The following GARRE1 variants were observed in gnomAD, a reference collection of about 807,000 sequenced individuals.
The protein encoded by GARRE1 is granule associated Rac and RHOG effector 1.
In GARRE1, 49 loss-of-function variants were observed where a neutral mutation model predicts 103.2. That is an observed-to-expected ratio of 0.47 (90% CI 0.38 to 0.60). The LOEUF (loss-of-function observed/expected upper bound fraction) is 0.60, where lower values mean the gene tolerates loss of function less well. Ranked by LOEUF, GARRE1 falls within the 20% of genes least tolerant of loss-of-function variation. The probability of loss-of-function intolerance (pLI) is 0.00; values close to 1 mark genes in which losing one functional copy is unlikely to be tolerated. For missense variants in GARRE1, 1,199 were observed against 1,370.5 expected (o/e 0.87, Z 1.98); for synonymous variants, 505 against 532.8 (o/e 0.95, Z 0.72).
intron 2 of GARRE1, among the ~76,000 whole-genome samples, chr19:34,305,997 G>A (rs933423305): frequency 2.0e-5 from 3 of 152,124 alleles, no homozygotes; most frequent in South Asian, 2.1e-4. Context: ...GCATAGGCCC[G>A]CAGACTTCAC....
At position 34,324,081 on chromosome 19, in the gene GARRE1, G is replaced by T. The variant is rs181820853; in HGVS notation, c.706-3340G>T. ...CTCCTCCTGTCCAGGCTTGCCCCGT[G>T]CTGGCCTTGCCCCCATCCTCGAGGG... On this transcript the variant is annotated intron_variant, in intron 3 of 13. Transcript: ENST00000299505. Among the ~76,000 whole-genome samples, 190 of 152,150 alleles carry T rather than the reference G, an allele frequency of 1.2e-3. 1 individual carries two copies. The highest frequency in any genetic ancestry group is 3.4e-3 in the Middle Eastern group (1 of 294).
rs2073770117 is a variant in GARRE1 at position 34,269,014 on chromosome 19, A to AT, written c.-796+14407dup. ...TATTACTACTTAGCACATTTGACCT[A>AT]TTTTTTTAAAACCTCTGTTATTTTG... On this transcript the variant is annotated intron_variant, in intron 1 of 13. Coordinates refer to ENST00000299505, the MANE Select transcript of GARRE1 (RefSeq NM_014686.5). 3.3e-5 allele frequency among the ~76,000 whole-genome samples: 5 copies of AT among 152,186 alleles called. No homozygotes were observed. The South Asian group carries it at 6.2e-4, about 19-fold the overall frequency.
chr19:34,289,672 C>G (rs1044467512), intron 1 of GARRE1, among the ~76,000 whole-genome samples: 1 of 151,090 alleles, frequency 6.6e-6, no homozygotes, highest in East Asian at 2.0e-4. Flanking sequence ...TGCAGTGCGC[C>G]AAGATCATGC....
intron 10 of GARRE1, among the ~76,000 whole-genome samples, chr19:34,343,782 G>C (rs887158166): frequency 6.6e-5 from 10 of 152,162 alleles, no homozygotes; most frequent in Non-Finnish European, 1.5e-4. Context: ...AGGAGGTTGA[G>C]GCTGCAGTGA....
At chr19:34,308,154 G>A (rs1419647248) in intron 2 of GARRE1, among the ~76,000 whole-genome samples, 2 of 150,040 alleles carry the variant, frequency 1.3e-5, no homozygotes, top group Middle Eastern at 3.6e-3. Context: ...ATATTGTAGA[G>A]TAACAATAAT....
rs1237252813 is a variant in GARRE1, at chr19:34,263,215, AAAAT to A, written c.-796+8613_-796+8616del. Among the ~76,000 whole-genome samples the A allele has an allele frequency of 3.9e-5, 6 of 152,270 alleles. No individual in the cohort carries two copies. The South Asian group carries it at 6.2e-4, about 16-fold the overall frequency. On this transcript the variant is annotated intron_variant, in intron 1 of 13. Transcript: ENST00000299505. The stretch of plus-strand genomic sequence containing the variant: ...GTGACAGAGCAAGATTCCATCTCAA[AAAAT>A]AAATAAATAAAAATAAAATAAATAA...
chr19:34,327,794 C>CA lies in GARRE1; in HGVS notation c.870_871insA (p.Leu291IlefsTer5). On this transcript the variant is annotated frameshift_variant, in exon 5 of 14. Coordinates refer to ENST00000299505, the MANE Select transcript of GARRE1 (RefSeq NM_014686.5). LOFTEE classifies it high-confidence loss of function. ...AGGCATATAAGATAGCTCTGGAAAG[C>CA]TTAGGACACTGTGAATATGCAATGA... 6.2e-7 allele frequency: 1 copy of CA among 1,614,034 alleles called. No individual in the cohort carries two copies. Among genetic ancestry groups the CA allele is most frequent in the Non-Finnish European group, 8.5e-7 (1 of 1,179,924 alleles).
At chr19:34,341,316 G>A (rs1214442136) in intron 9 of GARRE1, 106 bp from the exon 10 acceptor site, 1 of 902,396 alleles carries the variant, frequency 1.1e-6, no homozygotes, top group East Asian at 2.7e-5. Context: ...ATACCAACCT[G>A]AGAGGTTTTT....
chr19:34,269,513 A>G (rs1372579188), intron 1 of GARRE1, among the ~76,000 whole-genome samples: 1 of 152,208 alleles, frequency 6.6e-6, no homozygotes, highest in African/African-American at 2.4e-5. Flanking sequence ...CAACCAATCA[A>G]TTATATAGTA....
intron 1 of GARRE1, among the ~76,000 whole-genome samples, chr19:34,265,995 T>G (rs1366041949): frequency 6.6e-6 from 1 of 152,232 alleles, no homozygotes; most frequent in Non-Finnish European, 1.5e-5. Flanking sequence ...CCATGAAGTT[T>G]CTTTGTATTG....
At chr19:34,311,621 C>T (rs1047822287) in intron 2 of GARRE1, among the ~76,000 whole-genome samples, 2 of 151,796 alleles carry the variant, frequency 1.3e-5, no homozygotes, top group Non-Finnish European at 2.9e-5. Context: ...TTTCTTTTCC[C>T]CCCTCTGAGA....
chr19:34,305,355 G>A (rs2074002911), intron 2 of GARRE1, among the ~76,000 whole-genome samples: 1 of 152,132 alleles, frequency 6.6e-6, no homozygotes, highest in African/African-American at 2.4e-5. Flanking sequence ...GCTTGATAGA[G>A]ATATGGCAAG....
chr19:34,274,419 G>A (rs1240282212), intron 1 of GARRE1, among the ~76,000 whole-genome samples: 1 of 152,116 alleles, frequency 6.6e-6, no homozygotes, highest in Non-Finnish European at 1.5e-5. Context: ...AAGGCAGGAA[G>A]GATAAGACTG....
At chr19:34,281,356 T>TC (rs776052278) in intron 1 of GARRE1, among the ~76,000 whole-genome samples, 2 of 152,186 alleles carry the variant, frequency 1.3e-5, no homozygotes, top group East Asian at 3.8e-4. Flanking sequence ...AGTGGTGTGA[T>TC]CTCAGCTCAC....
At position 34,339,615 on chromosome 19, in the gene GARRE1, A is replaced by G. The variant is rs576125292; in HGVS notation, c.1362-252A>G. On this transcript the variant is annotated intron_variant, in intron 8 of 13. Coordinates refer to ENST00000299505, the MANE Select transcript of GARRE1 (RefSeq NM_014686.5). ...ATCTCAAGGGTTTTAGGAGCTCTGT[A>G]TCAGGAACTGGAGGCAGAGACCAAA... Among the ~76,000 whole-genome samples the G allele has an allele frequency of 2.3e-4, 35 of 152,368 alleles. No homozygotes were observed. The South Asian group carries it at 6.6e-3, about 29-fold the overall frequency.
chr19:34,281,849 T>C (rs1016812739), intron 1 of GARRE1, among the ~76,000 whole-genome samples: 1 of 152,244 alleles, frequency 6.6e-6, no homozygotes, highest in Non-Finnish European at 1.5e-5. Context: ...TGCTTTTTGC[T>C]TATATATTTA....
chr19:34,256,808 A>C (rs1020431432), intron 1 of GARRE1, among the ~76,000 whole-genome samples: 5 of 152,116 alleles, frequency 3.3e-5, no homozygotes, highest in Non-Finnish European at 7.4e-5. Flanking sequence ...TTTTCTTTTC[A>C]CAGTATCTTC....
At chr19:34,302,485 G>A (rs1457648691) in intron 2 of GARRE1, among the ~76,000 whole-genome samples, 1 of 151,338 alleles carries the variant, frequency 6.6e-6, no homozygotes, top group African/African-American at 2.4e-5. Context: ...GTAGAGACAG[G>A]GTTTCACCAT....
chr19:34,339,897 C>G lies in GARRE1; in HGVS notation c.1392C>G (p.Ser464=), dbSNP rs2074178029. Residue 464 remains serine (S), a synonymous_variant, in exon 9 of 14, where the codon TCC becomes TCG. Coordinates refer to ENST00000299505, the MANE Select transcript of GARRE1 (RefSeq NM_014686.5). ...WCLKEDPATM[S]LLQRSLDPEK... is the part of the protein sequence containing the mutation. ...TGAAAGAAGACCCTGCTACCATGTC[C>G]CTGCTGCAGAGAAGCCTTGATCCTG... is the stretch of plus-strand genomic sequence containing the variant. 1.2e-6 allele frequency: 2 copies of G among 1,614,014 alleles called. No homozygotes were observed. Among genetic ancestry groups the G allele is most frequent in the Non-Finnish European group, 1.7e-6 (2 of 1,180,040 alleles).
Sources: gnomAD v4.1 joint callset for allele counts (sites outside exome capture counted in the v4.1 genomes callset) on GRCh38, gnomAD v4.1.1 for gene constraint, MANE v1.5 for transcripts, NCBI Gene and HGNC (gene_info 2026-07-23, HGNC 2026-07-21) for gene names.